Variants in NID1 observed in about 807,000 individuals in gnomAD.
NID1 encodes the protein nidogen-1.
NID1 carries 76 observed loss-of-function variants against 130.6 expected under a neutral mutation model. That is an observed-to-expected ratio of 0.58 (90% confidence interval 0.48 to 0.70). NID1 has a LOEUF of 0.70. Ranked by LOEUF, NID1 falls within the 30% of genes least tolerant of loss-of-function variation. NID1 has a pLI of 0.00. For synonymous variants in NID1, 665 were observed against 675.1 expected, an observed-to-expected ratio of 0.98 and a Z score of 0.23; for missense variants, 1,517 against 1,664.8, an observed-to-expected ratio of 0.91 and a Z score of 1.54.
chr1:235,993,666 TG>T lies in NID1; in HGVS notation c.2733del (p.Arg912GlyfsTer4). 1 of 1,566,384 alleles carries T rather than the reference TG, an allele frequency of 6.4e-7. No homozygotes were observed. Among genetic ancestry groups the T allele is most frequent in the Non-Finnish European group, 8.7e-7 (1 of 1,150,650 alleles). ...RDGREVEGTR[T>X]RPGMTPPCLS... ...TTACACGGGGGCGTCATCCCGGGCCTGGTCCTGGTGCCCTCCACCTCGCGGC... is the reference window on the plus strand; with the variant it reads ...TTACACGGGGGCGTCATCCCGGGCCTGTCCTGGTGCCCTCCACCTCGCGGC... On this transcript the variant is annotated frameshift_variant, in exon 13 of 20. Coordinates refer to ENST00000264187, the MANE Select transcript of NID1 (RefSeq NM_002508.3). LOFTEE classifies it high-confidence loss of function.
chr1:236,005,019 A>G (rs1355044825), intron 12 of NID1, among the ~76,000 whole-genome samples: 2 of 151,874 alleles, frequency 1.3e-5, no homozygotes, highest in African/African-American at 4.8e-5. Flanking sequence ...TACTAAAAAT[A>G]CAAAATTAGC....
chr1:236,065,005 A>T lies in NID1; in HGVS notation c.75T>A (p.Pro25=). The part of the protein sequence containing the change: ...ALLLPLLLAG[P]VGCLSRQELF... The stretch of plus-strand genomic sequence containing the variant: ...GCTCCTGGCGGCTCAGGCAGCCCAC[A>T]GGCCCCGCCAGCAGCAGCGGCAGCA... Residue 25 remains proline, a synonymous_variant, in exon 1 of 20, where the codon CCT becomes CCA. Coordinates refer to ENST00000264187, the MANE Select transcript of NID1 (RefSeq NM_002508.3). The surrounding 1 kb of genome is among the most constrained non-coding windows in gnomAD (Gnocchi z 4.1). 6.4e-7 allele frequency: 1 copy of T among 1,555,564 alleles called. No individual in the cohort carries two copies. The highest frequency in any genetic ancestry group is 1.4e-5 in the African/African-American group (1 of 73,206).
rs1657443228 is a variant in NID1 at position 235,981,778 on chromosome 1, A to C, written c.3060T>G (p.Leu1020=). The C allele has an allele frequency of 6.2e-7, 1 of 1,600,850 alleles. No individual in the cohort carries two copies. Among genetic ancestry groups the C allele is most frequent in the African/African-American group, 1.3e-5 (1 of 74,322 alleles). Residue 1020 remains leucine (L), a synonymous_variant, in exon 16 of 20, where the codon CTT becomes CTG. Coordinates refer to ENST00000264187, the MANE Select transcript of NID1 (RefSeq NM_002508.3). ...CAACAGCGATACCTTCTGGACTTCC[A>C]AGATCTAGAAGTAAACACAGAGCTC... ...GEPTTIIRQD[L]GSPEGIAVDH... is the part of the protein sequence containing the mutation.
In NID1 at chr1:236,042,290, C is replaced by A; in HGVS notation, c.755G>T (p.Ser252Ile). The change falls in exon 4 of 20, where the codon AGT (serine) becomes ATT (isoleucine). Residue 252 changes from serine to isoleucine, a missense_variant and splice_region_variant. By Grantham distance (142) the Ser-to-Ile change is moderately radical. This residue lies in a region of NID1 where 1,329 missense variants were observed against 1,429.2 expected (regional missense o/e 0.93). Transcript: ENST00000264187. Reference sequence around the variant, plus strand: ...GACACCCTGCTGCCCAGAGTTACTACTCCTAGGAGGAAGGACAGGCTTCTT... The same window carrying A: ...GACACCCTGCTGCCCAGAGTTACTAATCCTAGGAGGAAGGACAGGCTTCTT... ...DRESVENLAKSSNSGQQGVWV... is the reference protein window; with the variant it reads ...DRESVENLAKISNSGQQGVWV... 2 of 1,599,938 alleles carry A rather than the reference C, an allele frequency of 1.3e-6. No individual in the cohort carries two copies. The highest frequency in any genetic ancestry group is 1.7e-6 in the Non-Finnish European group (2 of 1,178,462).
chr1:235,997,390 T>A (rs1346122487), intron 12 of NID1, among the ~76,000 whole-genome samples: 1 of 152,168 alleles, frequency 6.6e-6, no homozygotes, highest in African/African-American at 2.4e-5. Flanking sequence ...CTATGGGGAC[T>A]GTAGTTGCCA....
intron 15 of NID1, 22 bp downstream of exon 15, chr1:235,985,357 A>G (rs1202341230): frequency 1.2e-6 from 2 of 1,613,782 alleles, no homozygotes; most frequent in African/African-American, 1.3e-5. Context: ...CCAAAAAGGA[A>G]AAATGATATT....
intron 4 of NID1, 51 bp from the exon 5 acceptor site, chr1:236,038,304 C>A (rs1451180099): frequency 3.8e-6 from 6 of 1,581,828 alleles, no homozygotes; most frequent in South Asian, 1.1e-5. Flanking sequence ...GCAGCTCTAG[C>A]CCGGTGGGCT....
At chr1:236,001,106 A>AT (rs11352607) in intron 12 of NID1, among the ~76,000 whole-genome samples, 7,013 of 135,120 alleles carry the variant, frequency 0.052, 283 homozygotes, top group African/African-American at 0.11. Flanking sequence ...TGGCTTTGAG[A>AT]TTTTTTTTTT....
intron 3 of NID1, among the ~76,000 whole-genome samples, chr1:236,043,610 A>G (rs2102841471): frequency 6.6e-6 from 1 of 152,126 alleles, no homozygotes; most frequent in East Asian, 1.9e-4. Flanking sequence ...CATCCTGGCT[A>G]ACATGGTGAA....
rs773351975 is a variant in NID1 at position 235,977,999 on chromosome 1, C to T, written c.3623-11G>A. Reference sequence around the variant, plus strand: ...AGCAGTAGTTATGGCCTGGAAAAGGCAGAAATCAGTTCAATAGCCCTCTCT... The same window carrying T: ...AGCAGTAGTTATGGCCTGGAAAAGGTAGAAATCAGTTCAATAGCCCTCTCT... On this transcript the variant is annotated splice_polypyrimidine_tract_variant and intron_variant, in intron 19 of 19. Transcript: ENST00000264187. 3.7e-6 allele frequency: 6 copies of T among 1,613,486 alleles called. No homozygotes were observed. Among genetic ancestry groups the T allele is most frequent in the Admixed American group, 3.3e-5 (2 of 59,900 alleles).
rs146652740 is a variant in NID1, at chr1:236,045,668, C to G, written c.541G>C (p.Ala181Pro). 1 of 1,611,962 alleles carries G rather than the reference C, an allele frequency of 6.2e-7. No individual in the cohort carries two copies. Among genetic ancestry groups the G allele is most frequent in the Non-Finnish European group, 8.5e-7 (1 of 1,178,974 alleles). ...DQKGKRNTFQ[A>P]VLASSDSSSY... is the part of the protein sequence containing the mutation. ...CTGGAATCAGAGGAGGCTAGAACAG[C>G]CTGGAACGTGTTTCTCTGTGAAGAT... The change falls in exon 3 of 20, where the codon GCT becomes CCT. Residue 181 changes from alanine (A) to proline (P), a missense_variant. Transcript: ENST00000264187.
At chr1:236,035,909 CA>C (rs1475481510) in intron 5 of NID1, among the ~76,000 whole-genome samples, 1 of 152,076 alleles carries the variant, frequency 6.6e-6, no homozygotes, top group African/African-American at 2.4e-5. Flanking sequence ...AGAAACCAAA[CA>C]AAAAATTTTC....
intron 7 of NID1, 51 bp downstream of exon 7, chr1:236,029,499 C>G (rs1168675165): frequency 6.6e-6 from 10 of 1,523,820 alleles, no homozygotes; most frequent in Non-Finnish European, 2.7e-6. Flanking sequence ...GTCAAGAGCA[C>G]GAGGCTAGTG....
intron 1 of NID1, among the ~76,000 whole-genome samples, chr1:236,054,513 GC>G (rs1364670531): frequency 1.3e-5 from 2 of 152,082 alleles, no homozygotes; most frequent in African/African-American, 4.8e-5. Flanking sequence ...CTTTGTCTGG[GC>G]CCTGATTTAA....
intron 1 of NID1, chr1:236,060,686 G>C (rs1220610779): frequency 6.6e-6 from 1 of 151,588 alleles, no homozygotes; most frequent in African/African-American, 2.4e-5. Flanking sequence ...GGGCTTTTCC[G>C]ATGGTAGTGG....
At chr1:235,987,804 A>G (rs12039703) in intron 14 of NID1, among the ~76,000 whole-genome samples, 37,760 of 152,040 alleles carry the variant, frequency 0.25, 5,673 homozygotes, top group East Asian at 0.63. Flanking sequence ...TTTACTGGGA[A>G]AATCAGGAGG....
At chr1:235,987,244 A>G (rs1439685750) in intron 14 of NID1, among the ~76,000 whole-genome samples, 1 of 152,238 alleles carries the variant, frequency 6.6e-6, no homozygotes, top group Non-Finnish European at 1.5e-5. Context: ...TGATACATAG[A>G]CAAAACTCCA....
At chr1:236,007,668 A>G (rs1222575134) in intron 12 of NID1, among the ~76,000 whole-genome samples, 1 of 152,122 alleles carries the variant, frequency 6.6e-6, no homozygotes, top group Non-Finnish European at 1.5e-5. Context: ...AGAGAGACCC[A>G]TGTCGCGAGG....
At position 236,051,757 on chromosome 1, in the gene NID1, A is replaced by C. The variant is rs975503166; in HGVS notation, c.226-2768T>G. Among the ~76,000 whole-genome samples, 21 of 152,378 alleles carry C rather than the reference A, an allele frequency of 1.4e-4. 1 individual carries two copies. The highest frequency in any genetic ancestry group is 1.3e-3 in the Admixed American group (20 of 15,312). On this transcript the variant is annotated intron_variant, in intron 1 of 19. Transcript: ENST00000264187. ...GAGCCGCCAGAAGTTGGCAGTAAGC[A>C]GTTGGAAGTGATCACAGGGAGGCCA...
Sources: gnomAD v4.1 joint callset for allele counts (sites outside exome capture counted in the v4.1 genomes callset) on GRCh38, gnomAD v4.1.1 for gene constraint, gnomAD v4.1.1 regional missense constraint, Gnocchi (gnomAD v3.1) non-coding constraint, MANE v1.5 for transcripts, NCBI Gene and HGNC (gene_info 2026-07-23, HGNC 2026-07-21) for gene names.